Variants in CUX1 observed in about 807,000 individuals in gnomAD.
CUX1 encodes protein CASP.
Under a neutral mutation model 158.8 loss-of-function variants are expected in CUX1, and 31 were observed. The ratio of observed to expected loss-of-function variants is 0.20; its 90% CI spans 0.15 to 0.26. The LOEUF is 0.26. CUX1 is among the 10% of genes least tolerant of loss of function. The pLI, the probability that CUX1 is intolerant of heterozygous loss-of-function variation, is 1.00. For synonymous variants in CUX1, 879 were observed against 862.1 expected, an observed-to-expected ratio of 1.02 and a Z score of -0.34; for missense variants, 1,589 against 2,014.6, an observed-to-expected ratio of 0.79 and a Z score of 4.04.
chr7:102,249,033 G>A lies in CUX1; in HGVS notation c.4509G>A (p.Trp1503Ter). 7.4e-7 allele frequency: 1 copy of A among 1,347,016 alleles called. No homozygotes were observed. The highest frequency in any genetic ancestry group is 9.6e-7 in the Non-Finnish European group (1 of 1,036,840). The allele number at this position is 1,347,016 out of a possible 1,614,324, so 83.4% of individuals were successfully genotyped here. A position where few individuals can be genotyped will look rare whatever the true frequency, so the allele number is the denominator to read the frequency against. Residue 1503 changes from tryptophan to a stop codon, truncating the protein, a stop_gained, in exon 24 of 24, where the codon TGG becomes TGA. Transcript: ENST00000292535. LOFTEE classifies it high-confidence loss of function. ...KAASREEPIE[W>*]EF ...CCAGCCGGGAGGAACCTATCGAATG[G>A]GAGTTCTGAGGGGCCGCGGCCCTGG...
intron 6 of CUX1, among the ~76,000 whole-genome samples, chr7:102,104,899 A>C (rs548409124): frequency 4.6e-5 from 7 of 152,292 alleles, no homozygotes; most frequent in African/African-American, 1.7e-4. Context: ...CTCCAAAAAA[A>C]GATATTCTAC....
At position 102,255,187 on chromosome 7, in the gene CUX1, A is replaced by C; in HGVS notation, c.*6145A>C. The C allele has an allele frequency of 1.0e-6, 1 of 985,478 alleles. No individual in the cohort carries two copies. Among genetic ancestry groups the C allele is most frequent in the Middle Eastern group, 5.2e-4 (1 of 1,920 alleles). 61.0% of individuals were successfully genotyped at this position (985,478 alleles called of 1,614,324 possible). On this transcript the variant is annotated 3_prime_UTR_variant, in exon 24 of 24. Coordinates refer to ENST00000292535, the MANE Select transcript of CUX1 (RefSeq NM_181552.4). Reference sequence around the variant, plus strand: ...TTTCCGCCTGTCTGCCCGACTTCCAAAAACTGCCTCCTCCTGCCCAGGCCT... The same window carrying C: ...TTTCCGCCTGTCTGCCCGACTTCCACAAACTGCCTCCTCCTGCCCAGGCCT...
At chr7:101,826,817 C>T (rs947199218) in intron 1 of CUX1, among the ~76,000 whole-genome samples, 1 of 152,132 alleles carries the variant, frequency 6.6e-6, no homozygotes, top group African/African-American at 2.4e-5. Context: ...GGGTTCCCTC[C>T]CTCTGCCCTG....
chr7:101,984,090 ATATATATATATATATATATATATATAT>A (rs1198201905), intron 2 of CUX1, among the ~76,000 whole-genome samples: 2 of 35,008 alleles, frequency 5.7e-5, no homozygotes, highest in East Asian at 6.2e-4. Flanking sequence ...AAAAAAAAAA[ATATATATATATATATATATATATATAT>A]ATATATATAT....
Position 102,277,944 on chromosome 7 carries a change from C to A in CUX1, c.1564-5C>A, listed in dbSNP as rs371475257. The A allele has an allele frequency of 1.9e-4, 278 of 1,500,194 alleles. 2 individuals are homozygous for A. In the South Asian group the frequency reaches 2.5e-3, roughly 13 times the overall value. 92.9% of individuals were successfully genotyped at this position (1,500,194 alleles called of 1,614,324 possible). On this transcript the variant is annotated splice_region_variant and splice_polypyrimidine_tract_variant and intron_variant, in intron 17 of 22. Coordinates refer to the CUX1 transcript ENST00000292538. ...CCACCCCTTTCCTTGCCCCTCCCCC[C>A]CCAGGAGAACCGCCTGGCCCAGCAC... is the stretch of plus-strand genomic sequence containing the variant.
chr7:102,239,288 C>T, intron 22 of CUX1, 32 bp from the exon 23 acceptor site: 1 of 1,582,740 alleles, frequency 6.3e-7, no homozygotes, highest in Non-Finnish European at 8.6e-7. Flanking sequence ...CCAGCTGGGC[C>T]TGACCTTAGT....
intron 2 of CUX1, among the ~76,000 whole-genome samples, chr7:102,004,195 A>G (rs1817052136): frequency 6.6e-6 from 1 of 152,144 alleles, no homozygotes; most frequent in Admixed American, 6.6e-5. Flanking sequence ...GGCTGTTACC[A>G]CATGGTTTGA....
At chr7:102,219,853 T>C (rs1554526289) in intron 20 of CUX1, among the ~76,000 whole-genome samples, 1 of 152,246 alleles carries the variant, frequency 6.6e-6, no homozygotes, top group African/African-American at 2.4e-5. Flanking sequence ...ATATGGGCGA[T>C]GTCTAATGGA....
chr7:101,955,251 C>T (rs1809618097), intron 2 of CUX1, among the ~76,000 whole-genome samples: 1 of 152,130 alleles, frequency 6.6e-6, no homozygotes, highest in African/African-American at 2.4e-5. Flanking sequence ...TCCCTTCTCC[C>T]TGTTGGACCA....
Position 102,255,074 on chromosome 7 carries a change from G to A in CUX1, c.*6032G>A, listed in dbSNP as rs1030166302. ...TAAAACAAGCCCCAGCCCTACTCCCGGCCCCCCAGCCCAGTCTTCCCAATC... is the reference window on the plus strand; with the variant it reads ...TAAAACAAGCCCCAGCCCTACTCCCAGCCCCCCAGCCCAGTCTTCCCAATC... On this transcript the variant is annotated 3_prime_UTR_variant, in exon 24 of 24. Transcript: ENST00000292535. 5.1e-6 allele frequency: 5 copies of A among 985,274 alleles called. No homozygotes were observed. Among genetic ancestry groups the A allele is most frequent in the East Asian group, 1.1e-4 (1 of 8,820 alleles). The allele number at this position is 985,274 out of a possible 1,614,324, so 61.0% of individuals were successfully genotyped here.
At chr7:102,269,849 G>T (rs1432526778) in intron 14 of CUX1, among the ~76,000 whole-genome samples, 2 of 152,056 alleles carry the variant, frequency 1.3e-5, no homozygotes, top group Non-Finnish European at 2.9e-5. Context: ...AGCTCTGACC[G>T]TTGGGGCCCT....
In CUX1 at chr7:102,251,912, AAC is replaced by A. The variant is rs1459637073; in HGVS notation, c.*2872_*2873del. The A allele has an allele frequency of 2.0e-6, 2 of 985,320 alleles. No individual in the cohort carries two copies. The highest frequency in any genetic ancestry group is 2.4e-6 in the Non-Finnish European group (2 of 829,928). The allele number at this position is 985,320 out of a possible 1,614,324, so 61.0% of individuals were successfully genotyped here. A position where few individuals can be genotyped will look rare whatever the true frequency, so the allele number is the denominator to read the frequency against. ...TTGTCCATTCTAGTGGCCAAACAGT[AAC>A]AGTCTAAAATGCAGTCATTTTGACC... On this transcript the variant is annotated 3_prime_UTR_variant, in exon 24 of 24. Transcript: ENST00000292535.
intron 1 of CUX1, among the ~76,000 whole-genome samples, chr7:101,905,620 C>G (rs1016442228): frequency 6.6e-6 from 1 of 152,222 alleles, no homozygotes; most frequent in African/African-American, 2.4e-5. Flanking sequence ...AAGATCCACC[C>G]TCGTGGTGAG....
chr7:101,828,181 T>C (rs1311327349), intron 1 of CUX1, among the ~76,000 whole-genome samples: 3 of 151,924 alleles, frequency 2.0e-5, no homozygotes, highest in Admixed American at 6.6e-5. Flanking sequence ...GTTGGCCAGG[T>C]TGGTCTCAGA....
intron 3 of CUX1, among the ~76,000 whole-genome samples, chr7:102,067,711 T>G (rs1585509636): frequency 6.6e-6 from 1 of 151,270 alleles, no homozygotes; most frequent in Non-Finnish European, 1.5e-5. Flanking sequence ...GGGGAGGGGG[T>G]TATTTTAAAA....
exon 15 of CUX1, chr7:102,273,471 C>G (rs1563524845): frequency 6.2e-7 from 1 of 1,612,704 alleles, no homozygotes; most frequent in Middle Eastern, 1.7e-4. Flanking sequence ...ATCATTCAGT[C>G]CATCCAGCGG....
chr7:102,143,353 C>T (rs1554500989), intron 8 of CUX1, among the ~76,000 whole-genome samples: 1 of 152,186 alleles, frequency 6.6e-6, no homozygotes, highest in Non-Finnish European at 1.5e-5. Context: ...ACTGCAGCCT[C>T]CAACTCCTGG....
Position 102,138,469 on chromosome 7 carries a change from G to A in CUX1, c.675-20091G>A, listed in dbSNP as rs564431841. On this transcript the variant is annotated intron_variant, in intron 8 of 23. Transcript: ENST00000292535. The stretch of plus-strand genomic sequence containing the variant: ...GAATGTCCCCTGAGCCTTCTAATCC[G>A]CCCTGCCTTGAGCCTCCTCTTGTAA... 1.5e-4 allele frequency among the ~76,000 whole-genome samples: 23 copies of A among 152,142 alleles called. No homozygotes were observed. In the South Asian group the frequency reaches 4.1e-3, roughly 27 times the overall value.
At position 102,233,212 on chromosome 7, in the gene CUX1, C is replaced by G. The variant is rs1332157344; in HGVS notation, c.3434-840C>G. On this transcript the variant is annotated intron_variant, in intron 21 of 23. Coordinates refer to ENST00000292535, the MANE Select transcript of CUX1 (RefSeq NM_181552.4). Reference sequence around the variant, plus strand: ...TTTTTTTTTTTTTTGAGACAACGGTCTCTCTCTCTGTTGCCCAGGCTGGAG... The same window carrying G: ...TTTTTTTTTTTTTTGAGACAACGGTGTCTCTCTCTGTTGCCCAGGCTGGAG... Among the ~76,000 whole-genome samples, 2 of 125,000 alleles carry G rather than the reference C, an allele frequency of 1.6e-5. 1 individual carries two copies. The highest frequency in any genetic ancestry group is 5.0e-4 in the South Asian group (2 of 4,024). 82.0% of individuals were successfully genotyped at this position (125,000 alleles called of 152,430 possible).
Sources: gnomAD v4.1 joint callset for allele counts (sites outside exome capture counted in the v4.1 genomes callset) on GRCh38, gnomAD v4.1.1 for gene constraint, MANE v1.5 for transcripts, NCBI Gene and HGNC (gene_info 2026-07-23, HGNC 2026-07-21) for gene names.